The following PTAR1 variants were observed in gnomAD, a reference collection of about 807,000 sequenced individuals.
The protein encoded by PTAR1 is protein prenyltransferase alpha subunit repeat-containing protein 1.
Under a neutral mutation model 45.5 loss-of-function variants are expected in PTAR1, and 17 were observed. That is an observed-to-expected ratio of 0.37 (90% CI 0.26 to 0.56). The LOEUF (loss-of-function observed/expected upper bound fraction) is 0.56. PTAR1 is among the 20% of genes least tolerant of loss of function. The pLI is 0.77. For missense variants in PTAR1, 391 were observed against 476.3 expected (o/e 0.82, Z 1.67); for synonymous variants, 169 against 171.3 (o/e 0.99, Z 0.11).
chr9:69,745,482 C>G (rs1826236019), intron 2 of PTAR1, among the ~76,000 whole-genome samples: 1 of 152,220 alleles, frequency 6.6e-6, no homozygotes, highest in African/African-American at 2.4e-5. Context: ...CCCTCCATCA[C>G]AAGTGAAGAC....
rs183557631 is a variant in PTAR1 at position 69,725,616 on chromosome 9, A to G, written c.643-1986T>C. ...AAAAAGAAAAAAAATATATATATATATTTTCAACAAAATCAATTTCTTAAA... is the reference window on the plus strand; with the variant it reads ...AAAAAGAAAAAAAATATATATATATGTTTTCAACAAAATCAATTTCTTAAA... On this transcript the variant is annotated intron_variant, in intron 5 of 7. Transcript: ENST00000340434. 1.9e-3 allele frequency among the ~76,000 whole-genome samples: 293 copies of G among 151,816 alleles called. 2 individuals carry two copies. Among genetic ancestry groups the G allele is most frequent in the Non-Finnish European group, 1.7e-3 (118 of 67,918 alleles).
chr9:69,735,257 A>T (rs1274216641), intron 3 of PTAR1, among the ~76,000 whole-genome samples: 1 of 152,124 alleles, frequency 6.6e-6, no homozygotes, highest in Non-Finnish European at 1.5e-5. Flanking sequence ...TTGGTTCAGG[A>T]CCTCCCAAGG....
At chr9:69,759,465 C>T (rs1314218808) in intron 1 of PTAR1, among the ~76,000 whole-genome samples, 1 of 152,158 alleles carries the variant, frequency 6.6e-6, no homozygotes, top group Non-Finnish European at 1.5e-5. Context: ...CGGGATGAAT[C>T]TCAAGAGTTG....
At chr9:69,734,542 T>C (rs914218307) in intron 3 of PTAR1, among the ~76,000 whole-genome samples, 2 of 152,130 alleles carry the variant, frequency 1.3e-5, no homozygotes, top group Non-Finnish European at 2.9e-5. Flanking sequence ...TCTTAACTAT[T>C]TGCGTGAGGG....
chr9:69,748,593 G>C (rs1377756274), intron 2 of PTAR1, among the ~76,000 whole-genome samples: 1 of 152,012 alleles, frequency 6.6e-6, no homozygotes, highest in African/African-American at 2.4e-5. Flanking sequence ...TTGCATGATC[G>C]ATCACACAGA....
intron 3 of PTAR1, among the ~76,000 whole-genome samples, chr9:69,739,879 G>C (rs924920301): frequency 2.6e-5 from 4 of 152,000 alleles, no homozygotes; most frequent in Non-Finnish European, 4.4e-5. Context: ...CATCTAACTA[G>C]AACAATTTTC....
chr9:69,732,357 T>C lies in PTAR1; in HGVS notation c.429-5A>G. 6.3e-7 allele frequency: 1 copy of C among 1,597,670 alleles called. No individual in the cohort carries two copies. Among genetic ancestry groups the C allele is most frequent in the East Asian group, 2.2e-5 (1 of 44,776 alleles). On this transcript the variant is annotated splice_polypyrimidine_tract_variant and splice_region_variant and intron_variant, in intron 4 of 7. Transcript: ENST00000340434. ...AGCTGTTGTAGCACCCATCGCCTGT[T>C]AAGGCAGCATGTGGGAAAGAGAACA...
chr9:69,742,775 CATTT>C (rs1194210599), intron 2 of PTAR1, among the ~76,000 whole-genome samples: 1 of 152,014 alleles, frequency 6.6e-6, no homozygotes, highest in Non-Finnish European at 1.5e-5. Context: ...AATTACAATT[CATTT>C]GTTTTAATTT....
At chr9:69,718,760 G>A in intron 6 of PTAR1, 76 bp from the exon 7 acceptor site, 1 of 1,233,522 alleles carries the variant, frequency 8.1e-7, no homozygotes, top group Non-Finnish European at 1.1e-6. Flanking sequence ...AAAAAAGTTT[G>A]CAATTTCAAA....
intron 5 of PTAR1, among the ~76,000 whole-genome samples, chr9:69,726,657 C>A (rs1825293623): frequency 2.6e-5 from 4 of 151,912 alleles, no homozygotes; most frequent in Admixed American, 2.6e-4. Context: ...AATCACATTT[C>A]ATTTTAATTT....
Position 69,713,681 on chromosome 9 carries a change from T to C in PTAR1, c.*4661A>G, listed in dbSNP as rs1423309215. 8 of 152,096 alleles carry C rather than the reference T, an allele frequency of 5.3e-5. No homozygotes were observed. Among genetic ancestry groups the C allele is most frequent in the African/African-American group, 1.7e-4 (7 of 41,428 alleles). The allele number at this position is 152,096 out of a possible 1,614,324, so 9.4% of individuals were successfully genotyped here. A position where few individuals can be genotyped will look rare whatever the true frequency, so the allele number is the denominator to read the frequency against. On this transcript the variant is annotated 3_prime_UTR_variant, in exon 8 of 8. Coordinates refer to ENST00000340434, the MANE Select transcript of PTAR1 (RefSeq NM_001099666.2). ...TTTATTTTAGGGCAGAGTGCCACTG[T>C]TTCCCTTTGGACGCAGGTTTCAGGC...
At chr9:69,749,821 G>C (rs1044311786) in intron 2 of PTAR1, among the ~76,000 whole-genome samples, 2 of 151,962 alleles carry the variant, frequency 1.3e-5, no homozygotes, top group Admixed American at 6.6e-5. Context: ...CCTGAATAAA[G>C]GGACCATGTA....
chr9:69,749,700 T>C (rs761698242), intron 2 of PTAR1, among the ~76,000 whole-genome samples: 5 of 152,144 alleles, frequency 3.3e-5, no homozygotes, highest in Non-Finnish European at 7.4e-5. Flanking sequence ...AATGACAGTA[T>C]GTTACAGATA....
At chr9:69,751,147 C>A (rs975931145) in intron 1 of PTAR1, among the ~76,000 whole-genome samples, 197 bp from the exon 2 acceptor site, 1 of 151,960 alleles carries the variant, frequency 6.6e-6, no homozygotes, top group African/African-American at 2.4e-5. Flanking sequence ...TCTCTGTAGA[C>A]AGGAGTGAAA....
At chr9:69,728,641 T>C (rs1251556492) in intron 5 of PTAR1, among the ~76,000 whole-genome samples, 1 of 152,212 alleles carries the variant, frequency 6.6e-6, no homozygotes, top group East Asian at 1.9e-4. Flanking sequence ...AATGACTATA[T>C]GTGCTTTTTT....
chr9:69,740,596 G>T (rs1240460776), intron 3 of PTAR1, among the ~76,000 whole-genome samples: 1 of 149,922 alleles, frequency 6.7e-6, no homozygotes, highest in Admixed American at 6.7e-5. Flanking sequence ...TGCCCAATTT[G>T]CAAACTGCAT....
At chr9:69,732,610 G>A (rs1483905448) in intron 4 of PTAR1, among the ~76,000 whole-genome samples, 1 of 151,984 alleles carries the variant, frequency 6.6e-6, no homozygotes, top group African/African-American at 2.4e-5. Flanking sequence ...TACAGAGAAT[G>A]TCATTACTTC....
intron 5 of PTAR1, among the ~76,000 whole-genome samples, chr9:69,727,118 T>C (rs968996927): frequency 6.6e-6 from 1 of 152,024 alleles, no homozygotes; most frequent in Non-Finnish European, 1.5e-5. Context: ...TGTGAAATGA[T>C]TACCACCATC....
rs1564117958 is a variant in PTAR1, at chr9:69,711,231, C to CA, written c.*7110dup. On this transcript the variant is annotated 3_prime_UTR_variant, in exon 8 of 8. Transcript: ENST00000340434. ...AACATATGCCAAAGTACAATACTGA[C>CA]AGTGGTCACCTCAGTCAGCAGCCAG... is the stretch of plus-strand genomic sequence containing the variant. 5.9e-5 allele frequency: 9 copies of CA among 152,208 alleles called. No homozygotes were observed. The allele number at this position is 152,208 out of a possible 1,614,324, so 9.4% of individuals were successfully genotyped here. A position where few individuals can be genotyped will look rare whatever the true frequency, so the allele number is the denominator to read the frequency against.
Sources: allele counts gnomAD v4.1 joint callset (sites outside exome capture counted in the v4.1 genomes callset), GRCh38; gene constraint gnomAD v4.1.1; transcripts MANE v1.5; gene names NCBI Gene and HGNC (gene_info 2026-07-23, HGNC 2026-07-21).